Variants in ZNF485 observed in about 807,000 individuals in gnomAD.
ZNF485 encodes zinc finger protein 485, also known as Zinc finger protein 93 (Zinc finger protein HTF34).
ZNF485 carries 9 observed loss-of-function variants against 10.8 expected under a neutral mutation model. That is an observed-to-expected ratio of 0.83 (90% CI 0.50 to 1.45). The LOEUF (loss-of-function observed/expected upper bound fraction) is 1.45. ZNF485 is among the 40% of genes most tolerant of loss of function. The pLI, the probability that ZNF485 is intolerant of heterozygous loss-of-function variation, is 0.00. For missense variants in ZNF485, 487 were observed against 528.0 expected, an observed-to-expected ratio of 0.92 and a Z score of 0.76; for synonymous variants, 187 against 181.0, an observed-to-expected ratio of 1.03 and a Z score of -0.27.
Position 43,617,230 on chromosome 10 carries a change from G to T in ZNF485, c.1187G>T (p.Gly396Val). The T allele has an allele frequency of 6.2e-7, 1 of 1,614,116 alleles. No homozygotes were observed. ...KCGKAFRHSS[G>V]LVEHQRLHTG... is the part of the protein sequence containing the mutation. ...GGGAAAGCCTTTCGGCACAGCTCAG[G>T]CCTTGTTGAACATCAGAGACTCCAT... The change falls in exon 5 of 5, where the codon GGC (glycine) becomes GTC (valine). Residue 396 changes from glycine (G) to valine (V), a missense_variant. Gly to Val is a moderately radical substitution (Grantham distance 109). Coordinates refer to ENST00000361807, the MANE Select transcript of ZNF485 (RefSeq NM_145312.4).
At chr10:43,607,242 C>A in intron 2 of ZNF485, 168 bp downstream of exon 2, 2 of 742,674 alleles carry the variant, frequency 2.7e-6, no homozygotes, top group Non-Finnish European at 4.5e-6. Context: ...AGTCATTCAC[C>A]AAGTAGATTA....
In ZNF485 at chr10:43,606,464, G is replaced by C. The variant is rs1264527664; in HGVS notation, c.-137G>C. ...TGGTGCGAGCGCTGCACCAGCCCCT[G>C]GCTGGTGGTTACTGTCCGAACGGCG... On this transcript the variant is annotated 5_prime_UTR_variant, in exon 1 of 5. Coordinates refer to ENST00000361807, the MANE Select transcript of ZNF485 (RefSeq NM_145312.4). 4.9e-6 allele frequency: 2 copies of C among 406,112 alleles called. No homozygotes were observed. Among genetic ancestry groups the C allele is most frequent in the African/African-American group, 4.1e-5 (2 of 48,790 alleles). The allele number at this position is 406,112 out of a possible 1,614,324, so 25.2% of individuals were successfully genotyped here.
At chr10:43,615,755 T>C (rs918019600) in intron 4 of ZNF485, among the ~76,000 whole-genome samples, 3 of 152,254 alleles carry the variant, frequency 2.0e-5, no homozygotes, top group Non-Finnish European at 2.9e-5. Context: ...TAAAATCTTA[T>C]TGGCCTGAGA....
rs746480530 is a variant in ZNF485, at chr10:43,617,302, C to T, written c.1259C>T (p.Pro420Leu). The T allele has an allele frequency of 6.2e-7, 1 of 1,603,058 alleles. No individual in the cohort carries two copies. Among genetic ancestry groups the T allele is most frequent in the African/African-American group, 1.3e-5 (1 of 74,232 alleles). ...YKCNECGKAF[P>L]RSSALKQHKK... is the part of the protein sequence containing the mutation. Reference sequence around the variant, plus strand: ...TGTAATGAATGTGGGAAAGCTTTTCCCCGAAGTTCAGCCCTTAAGCAACAT... The same window carrying T: ...TGTAATGAATGTGGGAAAGCTTTTCTCCGAAGTTCAGCCCTTAAGCAACAT... The change falls in exon 5 of 5, where the codon CCC (proline) becomes CTC (leucine). Residue 420 changes from proline (P) to leucine (L), a missense_variant. By Grantham distance (98) the Pro-to-Leu change is moderately conservative (BLOSUM62 -3). Transcript: ENST00000361807.
At chr10:43,612,765 G>A (rs1838789272) in intron 4 of ZNF485, among the ~76,000 whole-genome samples, 1 of 151,596 alleles carries the variant, frequency 6.6e-6, no homozygotes, top group Non-Finnish European at 1.5e-5. Context: ...TATTAGCTCT[G>A]TTTTATTTTT....
At position 43,616,916 on chromosome 10, in the gene ZNF485, C is replaced by A; in HGVS notation, c.873C>A (p.Ile291=). 1 of 1,614,058 alleles carries A rather than the reference C, an allele frequency of 6.2e-7. No homozygotes were observed. The highest frequency in any genetic ancestry group is 8.5e-7 in the Non-Finnish European group (1 of 1,180,034). The part of the protein sequence containing the change: ...DNSTVLEHQK[I]HTGEKPYQCN... ...CAACTGTGTTGGAACATCAGAAAAT[C>A]CATACTGGTGAGAAGCCATATCAGT... Residue 291 remains isoleucine, a synonymous_variant, in exon 5 of 5, where the codon ATC becomes ATA. Coordinates refer to ENST00000361807, the MANE Select transcript of ZNF485 (RefSeq NM_145312.4).
chr10:43,609,440 T>C, intron 4 of ZNF485, 90 bp downstream of exon 4: 1 of 1,019,832 alleles, frequency 9.8e-7, no homozygotes, highest in South Asian at 1.5e-5. Flanking sequence ...AGTGCCCTGT[T>C]GGTGCAGAAA....
intron 4 of ZNF485, 21 bp from the exon 5 acceptor site, chr10:43,616,270 A>G: frequency 6.6e-7 from 1 of 1,526,666 alleles, no homozygotes; most frequent in Non-Finnish European, 8.8e-7. Flanking sequence ...GAACATTTGA[A>G]TTTTTAAAAT....
At chr10:43,615,925 G>A (rs1281378926) in intron 4 of ZNF485, among the ~76,000 whole-genome samples, 1 of 152,120 alleles carries the variant, frequency 6.6e-6, no homozygotes, top group Non-Finnish European at 1.5e-5. Flanking sequence ...TGCCCTAGTA[G>A]TAATTATAGC....
At chr10:43,610,149 C>A (rs542469638) in intron 4 of ZNF485, among the ~76,000 whole-genome samples, 1 of 152,260 alleles carries the variant, frequency 6.6e-6, no homozygotes, top group Non-Finnish European at 1.5e-5. Flanking sequence ...CATTTTCTTT[C>A]CTTTTCTTAG....
chr10:43,608,283 A>G (rs979115896), intron 2 of ZNF485, among the ~76,000 whole-genome samples: 16 of 152,212 alleles, frequency 1.1e-4, no homozygotes, highest in Non-Finnish European at 7.3e-5. Flanking sequence ...CTCTCCTGCC[A>G]GGTGGTGAGA....
rs267602489 is a variant in ZNF485, at chr10:43,617,301, C to A, written c.1258C>A (p.Pro420Thr). The A allele has an allele frequency of 1.9e-6, 3 of 1,603,360 alleles. No homozygotes were observed. The highest frequency in any genetic ancestry group is 3.5e-5 in the Admixed American group (2 of 57,278). The change falls in exon 5 of 5, where the codon CCC becomes ACC. Residue 420 changes from proline (P) to threonine (T), a missense_variant. Coordinates refer to ENST00000361807, the MANE Select transcript of ZNF485 (RefSeq NM_145312.4). ...ATGTAATGAATGTGGGAAAGCTTTTCCCCGAAGTTCAGCCCTTAAGCAACA... is the reference window on the plus strand; with the variant it reads ...ATGTAATGAATGTGGGAAAGCTTTTACCCGAAGTTCAGCCCTTAAGCAACA... ...YKCNECGKAF[P>T]RSSALKQHKK...
In ZNF485 at chr10:43,606,455, C is replaced by T; in HGVS notation, c.-146C>T. On this transcript the variant is annotated 5_prime_UTR_variant, in exon 1 of 5. Transcript: ENST00000361807. ...GTCTCCGCGTGGTGCGAGCGCTGCACCAGCCCCTGGCTGGTGGTTACTGTC... is the reference window on the plus strand; with the variant it reads ...GTCTCCGCGTGGTGCGAGCGCTGCATCAGCCCCTGGCTGGTGGTTACTGTC... 1 of 415,732 alleles carries T rather than the reference C, an allele frequency of 2.4e-6. No homozygotes were observed. Among genetic ancestry groups the T allele is most frequent in the Non-Finnish European group, 4.5e-6 (1 of 222,494 alleles). 25.8% of individuals were successfully genotyped at this position (415,732 alleles called of 1,614,324 possible).
chr10:43,608,900 A>G (rs896517730), intron 3 of ZNF485, among the ~76,000 whole-genome samples, 160 bp downstream of exon 3: 6 of 152,258 alleles, frequency 3.9e-5, no homozygotes, highest in African/African-American at 1.4e-4. Context: ...TGCCCCTTAC[A>G]CCCCTCAAGA....
chr10:43,615,871 T>C (rs1201073397), intron 4 of ZNF485, among the ~76,000 whole-genome samples: 5 of 152,264 alleles, frequency 3.3e-5, no homozygotes, highest in Non-Finnish European at 7.3e-5. Flanking sequence ...TCTCAAGTTC[T>C]TGGTGACATC....
At chr10:43,616,243 C>T in intron 4 of ZNF485, 48 bp from the exon 5 acceptor site, 1 of 1,436,248 alleles carries the variant, frequency 7.0e-7, no homozygotes, top group South Asian at 1.4e-5. Context: ...CTCTCACTTT[C>T]AGCATTTCAA....
In ZNF485 at chr10:43,616,776, A is replaced by G. The variant is rs1400830018; in HGVS notation, c.733A>G (p.Asn245Asp). ...IHTGQKPYKC[N>D]DCGKAFAQNA... The stretch of plus-strand genomic sequence containing the variant: ...TACTGGCCAGAAACCCTACAAATGT[A>G]ATGACTGTGGGAAAGCCTTCGCTCA... The change falls in exon 5 of 5, where the codon AAT becomes GAT. Residue 245 changes from asparagine to aspartate, a missense_variant. By Grantham distance (23) the Asn-to-Asp change is conservative (BLOSUM62 1). Transcript: ENST00000361807. 2 of 1,614,082 alleles carry G rather than the reference A, an allele frequency of 1.2e-6. No individual in the cohort carries two copies. The highest frequency in any genetic ancestry group is 1.1e-5 in the South Asian group (1 of 91,082).
chr10:43,607,291 G>C (rs567940129), intron 2 of ZNF485: 1 of 619,822 alleles, frequency 1.6e-6, no homozygotes. Context: ...AAACAGAAAA[G>C]TGCTTTGCAA....
In ZNF485 at chr10:43,617,324, A is replaced by G; in HGVS notation, c.1281A>G (p.Gln427=). The change falls in exon 5 of 5, where the codon CAA becomes CAG. Residue 427 remains glutamine (Q), a synonymous_variant. Coordinates refer to ENST00000361807, the MANE Select transcript of ZNF485 (RefSeq NM_145312.4). The stretch of plus-strand genomic sequence containing the variant: ...TTCCCCGAAGTTCAGCCCTTAAGCA[A>G]CATAAGAAAATTCATAATAAAGAAA... ...KAFPRSSALK[Q]HKKIHNKERA... is the part of the protein sequence containing the mutation. 6.4e-7 allele frequency: 1 copy of G among 1,574,436 alleles called. No individual in the cohort carries two copies. Among genetic ancestry groups the G allele is most frequent in the Admixed American group, 2.0e-5 (1 of 50,134 alleles).
Sources: gnomAD v4.1 joint callset for allele counts (sites outside exome capture counted in the v4.1 genomes callset) on GRCh38, gnomAD v4.1.1 for gene constraint, MANE v1.5 for transcripts, NCBI Gene and HGNC (gene_info 2026-07-23, HGNC 2026-07-21) for gene names.